Variants in SLCO5A1 observed in about 807,000 individuals in gnomAD.
SLCO5A1 encodes the protein organic anion transporter polypeptide-related protein 4.
SLCO5A1 carries 39 observed loss-of-function variants against 65.1 expected under a neutral mutation model. That is an observed-to-expected ratio of 0.60 (90% CI 0.46 to 0.78). The LOEUF (loss-of-function observed/expected upper bound fraction) is 0.78, where lower values mean the gene tolerates loss of function less well. Ranked by LOEUF, SLCO5A1 falls within the 30% of genes least tolerant of loss-of-function variation. SLCO5A1 has a pLI of 0.00. For synonymous variants in SLCO5A1, 438 were observed against 415.7 expected, an observed-to-expected ratio of 1.05 and a Z score of -0.65; for missense variants, 1,029 against 1,069.4, an observed-to-expected ratio of 0.96 and a Z score of 0.53.
intron 2 of SLCO5A1, chr8:69,794,257 A>G: frequency 4.2e-6 from 2 of 476,560 alleles, no homozygotes; most frequent in South Asian, 1.7e-5. Context: ...CTTCCACCAG[A>G]ATGGGAAAGT....
Position 69,668,688 on chromosome 8 carries a change from A to C in SLCO5A1, c.*4181T>G, listed in dbSNP as rs1384863086. 2 of 152,140 alleles carry C rather than the reference A, an allele frequency of 1.3e-5. No individual in the cohort carries two copies. The highest frequency in any genetic ancestry group is 2.9e-5 in the Non-Finnish European group (2 of 68,034). The allele number at this position is 152,140 out of a possible 1,614,324, so 9.4% of individuals were successfully genotyped here. On this transcript the variant is annotated 3_prime_UTR_variant, in exon 10 of 10. Transcript: ENST00000260126. ...GGCCAAAAAGACACTTTCTGGCTCC[A>C]AGTGCACCAAAGAGCGCAAGCTGGA... is the stretch of plus-strand genomic sequence containing the variant.
At chr8:69,686,231 C>CAAA (rs3060023) in intron 6 of SLCO5A1, among the ~76,000 whole-genome samples, 1 of 141,700 alleles carries the variant, frequency 7.1e-6, no homozygotes, top group African/African-American at 2.8e-5. Flanking sequence ...CTTCACACAG[C>CAAA]AAAAAAAAGA....
chr8:69,806,913 C>T (rs940500647), intron 2 of SLCO5A1, among the ~76,000 whole-genome samples: 2 of 152,228 alleles, frequency 1.3e-5, no homozygotes, highest in African/African-American at 2.4e-5. Flanking sequence ...TTGGCTAATA[C>T]TGCCCAAGCA....
chr8:69,823,279 T>C (rs1054238107), intron 2 of SLCO5A1, among the ~76,000 whole-genome samples: 2 of 152,136 alleles, frequency 1.3e-5, no homozygotes, highest in Non-Finnish European at 2.9e-5. Flanking sequence ...CAATATTAAC[T>C]TTAAATGTAA....
intron 2 of SLCO5A1, among the ~76,000 whole-genome samples, chr8:69,816,806 A>C (rs1820430130): frequency 6.6e-6 from 1 of 152,346 alleles, no homozygotes; most frequent in Non-Finnish European, 1.5e-5. Flanking sequence ...CACCTGAGAA[A>C]ACAATTCTCA....
chr8:69,707,522 G>C (rs1815024977), intron 5 of SLCO5A1, among the ~76,000 whole-genome samples: 1 of 152,194 alleles, frequency 6.6e-6, no homozygotes, highest in Non-Finnish European at 1.5e-5. Context: ...GGAGAAGAGA[G>C]GTAGGGAAAA....
chr8:69,753,198 C>T (rs896550936), intron 4 of SLCO5A1, among the ~76,000 whole-genome samples: 1 of 151,966 alleles, frequency 6.6e-6, no homozygotes, highest in African/African-American at 2.4e-5. Context: ...AGAGTGTGGT[C>T]GAAGTGCACT....
At chr8:69,757,095 T>TA (rs1817570274) in intron 3 of SLCO5A1, among the ~76,000 whole-genome samples, 1 of 152,266 alleles carries the variant, frequency 6.6e-6, no homozygotes, top group African/African-American at 2.4e-5. Flanking sequence ...AAAGTGCTGT[T>TA]ATCAGCTGCT....
At chr8:69,737,250 C>T (rs552395417) in intron 5 of SLCO5A1, among the ~76,000 whole-genome samples, 41 of 152,250 alleles carry the variant, frequency 2.7e-4, no homozygotes, top group African/African-American at 6.7e-4. Context: ...AATTGGAGAA[C>T]GTAGGAGCCT....
chr8:69,779,831 TG>T (rs1818722696), intron 2 of SLCO5A1, among the ~76,000 whole-genome samples: 1 of 152,126 alleles, frequency 6.6e-6, no homozygotes, highest in Non-Finnish European at 1.5e-5. Context: ...AAAAAGCTTC[TG>T]TACAGCAAAA....
chr8:69,774,584 C>T (rs1029421243), intron 2 of SLCO5A1, among the ~76,000 whole-genome samples: 4 of 152,214 alleles, frequency 2.6e-5, no homozygotes, highest in African/African-American at 9.7e-5. Context: ...ACTTTCTCAG[C>T]TGCCACACAT....
intron 8 of SLCO5A1, 70 bp from the exon 9 acceptor site, chr8:69,676,743 C>T (rs180839034): frequency 2.4e-4 from 333 of 1,406,494 alleles, no homozygotes; most frequent in Admixed American, 3.4e-4. Flanking sequence ...CAAATCAAGT[C>T]GGCTTTGTGC....
chr8:69,679,341 T>C (rs1190693257), intron 8 of SLCO5A1, 37 bp downstream of exon 8: 3 of 1,612,944 alleles, frequency 1.9e-6, no homozygotes. Context: ...AAATTATAAG[T>C]ACAGAACCCA....
rs528541331 is a variant in SLCO5A1 at position 69,781,405 on chromosome 8, T to A, written c.908-19530A>T. On this transcript the variant is annotated intron_variant, in intron 2 of 9. Coordinates refer to ENST00000260126, the MANE Select transcript of SLCO5A1 (RefSeq NM_030958.3). The stretch of plus-strand genomic sequence containing the variant: ...TTTTGCATCAATCCACAGGAGTTAG[T>A]CTTGGTACACTTTAAGTAAGGCTGC... Among the ~76,000 whole-genome samples, 4 of 152,314 alleles carry A rather than the reference T, an allele frequency of 2.6e-5. No homozygotes were observed. In the South Asian group the frequency reaches 8.3e-4, roughly 32 times the overall value.
chr8:69,784,887 G>GGAGA (rs1563722947), intron 2 of SLCO5A1, among the ~76,000 whole-genome samples: 1 of 76,530 alleles, frequency 1.3e-5, no homozygotes, highest in African/African-American at 5.2e-5. Flanking sequence ...AAGAAAGAAA[G>GGAGA]AAGAAAGGAA....
Position 69,831,915 on chromosome 8 carries a change from C to A in SLCO5A1, c.759G>T (p.Lys253Asn), listed in dbSNP as rs765398208. 20 of 1,608,440 alleles carry A rather than the reference C, an allele frequency of 1.2e-5. No homozygotes were observed. Among genetic ancestry groups the A allele is most frequent in the South Asian group, 5.6e-5 (5 of 90,072 alleles). Residue 253 changes from lysine (K) to asparagine (N), a missense_variant, in exon 2 of 10, where the codon AAG becomes AAT. This residue lies in a region of SLCO5A1 where 647 missense variants were observed against 647.5 expected (regional missense o/e 1.00). Coordinates refer to ENST00000260126, the MANE Select transcript of SLCO5A1 (RefSeq NM_030958.3). Reference protein sequence around the residue: ...TATLEPPACPKDSGGNNHWVY... With the variant: ...TATLEPPACPNDSGGNNHWVY... The stretch of plus-strand genomic sequence containing the variant: ...CCCAGTGATTATTTCCTCCCGAGTC[C>A]TTCGGACAGGCCGGAGGCTCCAAAG...
intron 4 of SLCO5A1, among the ~76,000 whole-genome samples, chr8:69,740,783 A>T (rs775587982): frequency 3.3e-5 from 5 of 152,208 alleles, no homozygotes; most frequent in Non-Finnish European, 7.3e-5. Context: ...TGTCATAAGG[A>T]CACAGAAGAC....
chr8:69,751,635 C>T (rs112942234), intron 4 of SLCO5A1, among the ~76,000 whole-genome samples: 48 of 152,098 alleles, frequency 3.2e-4, no homozygotes, highest in African/African-American at 1.1e-3. Context: ...GCAACCTCCA[C>T]CTCCCGGTTC....
At position 69,672,174 on chromosome 8, in the gene SLCO5A1, G is replaced by A. The variant is rs960126853; in HGVS notation, c.*695C>T. The A allele has an allele frequency of 3.9e-5, 6 of 152,188 alleles. No individual in the cohort carries two copies. Among genetic ancestry groups the A allele is most frequent in the Non-Finnish European group, 7.3e-5 (5 of 68,076 alleles). The allele number at this position is 152,188 out of a possible 1,614,324, so 9.4% of individuals were successfully genotyped here. A position where few individuals can be genotyped will look rare whatever the true frequency, so the allele number is the denominator to read the frequency against. ...CAGCAGCCTCTTTATCTTAGGATGGGGCAGGCAGACTGAAAGAGAATGTGT... is the reference window on the plus strand; with the variant it reads ...CAGCAGCCTCTTTATCTTAGGATGGAGCAGGCAGACTGAAAGAGAATGTGT... On this transcript the variant is annotated 3_prime_UTR_variant, in exon 10 of 10. Transcript: ENST00000260126.
Sources: allele counts gnomAD v4.1 joint callset (sites outside exome capture counted in the v4.1 genomes callset), GRCh38; gene constraint gnomAD v4.1.1; regional missense constraint gnomAD v4.1.1; transcripts MANE v1.5; gene names NCBI Gene and HGNC (gene_info 2026-07-23, HGNC 2026-07-21).